MYZAP: variants seen among roughly 807,000 people sequenced by gnomAD.
MYZAP encodes myocardial zonula adherens protein, also known as GRINL1A complex locus upstream.
Under a neutral mutation model 69.4 loss-of-function variants are expected in MYZAP, and 66 were observed. That is an observed-to-expected ratio of 0.95 (90% confidence interval 0.78 to 1.17). MYZAP has a LOEUF of 1.17. Ranked by LOEUF, MYZAP falls within the 50% of genes most tolerant of loss-of-function variation. MYZAP has a pLI of 0.00. For synonymous variants in MYZAP, 256 were observed against 205.9 expected (o/e 1.24, Z -2.09); for missense variants, 611 against 556.2 (o/e 1.10, Z -0.99).
intron 11 of MYZAP, among the ~76,000 whole-genome samples, chr15:57,667,994 G>A (rs2554025): frequency 0.98 from 149,769 of 152,268 alleles, 73,699 homozygotes; most frequent in Middle Eastern, 1. Context: ...TGGTCACTAT[G>A]GATTTCCATT....
intron 8 of MYZAP, among the ~76,000 whole-genome samples, chr15:57,634,594 G>A (rs1324997642): frequency 6.6e-6 from 1 of 152,212 alleles, no homozygotes; most frequent in African/African-American, 2.4e-5. Flanking sequence ...ATGCTGAGAA[G>A]AGGTCGCCTT....
intron 11 of MYZAP, among the ~76,000 whole-genome samples, chr15:57,672,037 G>A (rs780316139): frequency 3.9e-5 from 6 of 152,192 alleles, no homozygotes; most frequent in Non-Finnish European, 8.8e-5. Flanking sequence ...TGTCTGTGAT[G>A]CTGATGGCAG....
intron 4 of MYZAP, among the ~76,000 whole-genome samples, chr15:57,622,251 A>G (rs543575514): frequency 2.0e-5 from 3 of 152,186 alleles, no homozygotes; most frequent in Non-Finnish European, 4.4e-5. Flanking sequence ...AATATCATCA[A>G]CAGAAAAATA....
intron 7 of MYZAP, 26 bp from the exon 8 acceptor site, chr15:57,633,587 C>G (rs1440161701): frequency 1.9e-6 from 3 of 1,604,768 alleles, no homozygotes; most frequent in African/African-American, 2.7e-5. Context: ...CATGCCTGTA[C>G]TTAGGAGGGT....
chr15:57,605,533 C>A (rs2034687028), intron 2 of MYZAP, among the ~76,000 whole-genome samples: 1 of 152,146 alleles, frequency 6.6e-6, no homozygotes, highest in Admixed American at 6.5e-5. Context: ...CCTAAGTTTA[C>A]CATAGGTCTC....
In MYZAP at chr15:57,645,806, T is replaced by G. The variant is rs562398428; in HGVS notation, c.1119+6261T>G. On this transcript the variant is annotated intron_variant, in intron 10 of 12. Coordinates refer to ENST00000267853, the MANE Select transcript of MYZAP (RefSeq NM_001018100.5). ...AATCTTTGGGTATACTTCTCTCTTCTCTTTTGTGCTCTGTGCTGTTTTCTA... is the reference window on the plus strand; with the variant it reads ...AATCTTTGGGTATACTTCTCTCTTCGCTTTTGTGCTCTGTGCTGTTTTCTA... Among the ~76,000 whole-genome samples, 51 of 152,334 alleles carry G rather than the reference T, an allele frequency of 3.3e-4. 1 individual carries two copies. Among genetic ancestry groups the G allele is most frequent in the African/African-American group, 1.2e-3 (50 of 41,586 alleles).
intron 10 of MYZAP, among the ~76,000 whole-genome samples, chr15:57,649,712 A>C (rs535033935): frequency 2.6e-4 from 40 of 152,250 alleles, no homozygotes; most frequent in African/African-American, 8.9e-4. Context: ...AGTAAAGTTA[A>C]TCTTTTTGGC....
At chr15:57,592,353 T>A (rs2033730591) in intron 1 of MYZAP, among the ~76,000 whole-genome samples, 1 of 152,216 alleles carries the variant, frequency 6.6e-6, no homozygotes, top group Non-Finnish European at 1.5e-5. Flanking sequence ...TTTCCTCTCC[T>A]TCCTGCCTTT....
At chr15:57,632,628 A>G in intron 7 of MYZAP, 69 bp downstream of exon 7, 2 of 1,590,564 alleles carry the variant, frequency 1.3e-6, no homozygotes, top group Non-Finnish European at 1.7e-6. Context: ...GGTGATGTAT[A>G]CGTAGTAGTG....
At chr15:57,681,003 G>T (rs1373996033) in intron 12 of MYZAP, among the ~76,000 whole-genome samples, 4 of 152,184 alleles carry the variant, frequency 2.6e-5, no homozygotes, top group African/African-American at 9.6e-5. Flanking sequence ...TTGTGTTCTT[G>T]AAATCCTGTT....
intron 10 of MYZAP, among the ~76,000 whole-genome samples, chr15:57,657,328 A>G (rs1422654701): frequency 6.6e-6 from 1 of 152,218 alleles, no homozygotes; most frequent in African/African-American, 2.4e-5. Flanking sequence ...TCTTAATACT[A>G]TAAAAAGGAA....
At position 57,592,137 on chromosome 15, in the gene MYZAP, C is replaced by T. The variant is rs982809553; in HGVS notation, c.75+28C>T. ...GAGTAGCGGGGGCGGGAGCCGCCGCCGTCCCGTTCCCCCATCCCGGCCGCC... is the reference window on the plus strand; with the variant it reads ...GAGTAGCGGGGGCGGGAGCCGCCGCTGTCCCGTTCCCCCATCCCGGCCGCC... On this transcript the variant is annotated intron_variant, in intron 1 of 12. Coordinates refer to ENST00000267853, the MANE Select transcript of MYZAP (RefSeq NM_001018100.5). 84 of 1,287,334 alleles carry T rather than the reference C, an allele frequency of 6.5e-5. No individual in the cohort carries two copies. The African/African-American group carries it at 1.1e-3, about 18-fold the overall frequency. The allele number at this position is 1,287,334 out of a possible 1,614,324, so 79.7% of individuals were successfully genotyped here.
intron 1 of MYZAP, among the ~76,000 whole-genome samples, chr15:57,592,603 C>T (rs531449304): frequency 6.6e-6 from 1 of 152,164 alleles, no homozygotes; most frequent in Non-Finnish European, 1.5e-5. Context: ...AGCCGGCCGC[C>T]CAGGAGCCCG....
At chr15:57,615,130 A>C (rs2635386) in intron 2 of MYZAP, among the ~76,000 whole-genome samples, 2 of 151,916 alleles carry the variant, frequency 1.3e-5, no homozygotes, top group Non-Finnish European at 2.9e-5. Context: ...CATTTACACA[A>C]ATGTTCAATT....
At chr15:57,641,197 C>T (rs556327376) in intron 10 of MYZAP, among the ~76,000 whole-genome samples, 2 of 152,276 alleles carry the variant, frequency 1.3e-5, no homozygotes, top group East Asian at 3.9e-4. Context: ...TGGTTGGCTT[C>T]TGATTCACTT....
intron 12 of MYZAP, among the ~76,000 whole-genome samples, chr15:57,681,727 T>C (rs568285897): frequency 3.3e-5 from 5 of 152,104 alleles, no homozygotes; most frequent in South Asian, 2.1e-4. Context: ...AGAGGTTGCA[T>C]TGAGCTGAGA....
intron 2 of MYZAP, among the ~76,000 whole-genome samples, chr15:57,608,372 G>T (rs1481535293): frequency 1.3e-5 from 2 of 152,176 alleles, no homozygotes; most frequent in Non-Finnish European, 2.9e-5. Flanking sequence ...GGCGTATTTT[G>T]CCCATTTCCA....
intron 2 of MYZAP, among the ~76,000 whole-genome samples, chr15:57,612,121 A>G (rs532351083): frequency 6.6e-6 from 1 of 152,338 alleles, no homozygotes; most frequent in East Asian, 1.9e-4. Context: ...CTCTGCCTGC[A>G]AGATGGGCAG....
Position 57,621,720 on chromosome 15 carries a change from G to C in MYZAP, c.411+20G>C. ...CTATCAGTAAGTCATTATCTCAGTT[G>C]CTTGGAGATAGGGAGGCATGGCAGG... On this transcript the variant is annotated intron_variant, in intron 4 of 12. Transcript: ENST00000267853. 6.2e-7 allele frequency: 1 copy of C among 1,611,744 alleles called. No individual in the cohort carries two copies. Among genetic ancestry groups the C allele is most frequent in the East Asian group, 2.2e-5 (1 of 44,808 alleles).
Sources: gnomAD v4.1 joint callset for allele counts (sites outside exome capture counted in the v4.1 genomes callset) on GRCh38, gnomAD v4.1.1 for gene constraint, MANE v1.5 for transcripts, NCBI Gene and HGNC (gene_info 2026-07-23, HGNC 2026-07-21) for gene names.